GNPDA2: variants seen among roughly 807,000 people sequenced by gnomAD.
GNPDA2 encodes the protein glcN6P deaminase 2.
Under a neutral mutation model 27.0 loss-of-function variants are expected in GNPDA2, and 24 were observed. The observed-to-expected ratio is 0.89, with a 90% CI of 0.64 to 1.25. The LOEUF (loss-of-function observed/expected upper bound fraction) is 1.25. Ranked by LOEUF, GNPDA2 falls within the 50% of genes most tolerant of loss-of-function variation. The pLI, the probability that GNPDA2 is intolerant of heterozygous loss-of-function variation, is 0.00. For synonymous variants in GNPDA2, 94 were observed against 108.4 expected (o/e 0.87, Z 0.83); for missense variants, 286 against 335.1 (o/e 0.85, Z 1.14).
intron 6 of GNPDA2, 29 bp from the exon 7 acceptor site, chr4:44,703,171 GTTT>G (rs763993662): frequency 1.3e-6 from 2 of 1,591,360 alleles, no homozygotes; most frequent in Admixed American, 3.7e-5. Context: ...AGTTCTAGTT[GTTT>G]TTATTAATTT....
intron 5 of GNPDA2, 56 bp downstream of exon 5, chr4:44,710,897 A>C (rs1716932143): frequency 7.5e-7 from 1 of 1,326,740 alleles, no homozygotes; most frequent in Admixed American, 2.5e-5. Context: ...TAACTCCTCC[A>C]AAATATTAAT....
At chr4:44,704,222 C>G in intron 6 of GNPDA2, 1 of 984,554 alleles carries the variant, frequency 1.0e-6, no homozygotes, top group Non-Finnish European at 1.2e-6. Context: ...ACTAGTCCTG[C>G]AACTGCTCAA....
intron 3 of GNPDA2, among the ~76,000 whole-genome samples, chr4:44,717,947 T>C (rs186452039): frequency 6.6e-6 from 1 of 152,034 alleles, no homozygotes; most frequent in East Asian, 1.9e-4. Flanking sequence ...CTTTTACATG[T>C]ACGTTAGTTT....
At chr4:44,712,845 A>AT (rs1410920882) in intron 4 of GNPDA2, among the ~76,000 whole-genome samples, 1 of 152,120 alleles carries the variant, frequency 6.6e-6, no homozygotes, top group African/African-American at 2.4e-5. Context: ...ATATAAAATT[A>AT]TTTTTTTAAA....
intron 4 of GNPDA2, among the ~76,000 whole-genome samples, chr4:44,711,809 G>GTATATATA (rs35046303): frequency 0.027 from 2,810 of 103,278 alleles, 55 homozygotes; most frequent in African/African-American, 0.05. Context: ...TTGCAATCTA[G>GTATATATA]TATATATATA....
rs1455208946 is a variant in GNPDA2, at chr4:44,707,819, C to A, written c.702G>T (p.Arg234=). 6.2e-7 allele frequency: 1 copy of A among 1,613,210 alleles called. No individual in the cohort carries two copies. The highest frequency in any genetic ancestry group is 1.3e-5 in the African/African-American group (1 of 74,870). ...CATCTTCATCGCATACAAAAATAGT[C>A]CGGGGATGCTGCTGGAAAGCGGAAA... The part of the protein sequence containing the change: ...WTVSAFQQHP[R]TIFVCDEDAT... The change falls in exon 6 of 7, where the codon CGG becomes CGT. Residue 234 remains arginine (R), a synonymous_variant. Transcript: ENST00000295448.
chr4:44,705,087 T>G (rs1258790637), intron 6 of GNPDA2: 30 of 984,084 alleles, frequency 3.0e-5, no homozygotes, highest in Non-Finnish European at 3.6e-5. Context: ...AACCTAGATC[T>G]TATCTAGGCA....
At chr4:44,703,858 G>C (rs1053377053) in intron 6 of GNPDA2, 26 of 984,424 alleles carry the variant, frequency 2.6e-5, no homozygotes, top group Non-Finnish European at 3.0e-5. Flanking sequence ...ATATTTCTTT[G>C]GGGAGAAAAA....
intron 6 of GNPDA2, chr4:44,705,547 A>G (rs1249378783): frequency 2.7e-6 from 2 of 738,712 alleles, no homozygotes; most frequent in Non-Finnish European, 3.3e-6. Context: ...AGAACTAAAT[A>G]CATATAAACA....
intron 1 of GNPDA2, among the ~76,000 whole-genome samples, chr4:44,723,148 T>C (rs1222108983): frequency 2.6e-5 from 4 of 152,152 alleles, no homozygotes; most frequent in Admixed American, 6.5e-5. Context: ...CATAATTCCA[T>C]TTTACACAAT....
At chr4:44,721,885 T>C (rs969020892) in intron 2 of GNPDA2, among the ~76,000 whole-genome samples, 199 bp downstream of exon 2, 3 of 152,170 alleles carry the variant, frequency 2.0e-5, no homozygotes, top group Admixed American at 1.3e-4. Context: ...TGAGACTAAA[T>C]TTTGGCACAA....
At chr4:44,723,162 G>C (rs1031927778) in intron 1 of GNPDA2, among the ~76,000 whole-genome samples, 1 of 152,052 alleles carries the variant, frequency 6.6e-6, no homozygotes, top group Non-Finnish European at 1.5e-5. Flanking sequence ...ACACAATGTA[G>C]GTTGACTTAT....
At chr4:44,709,416 A>G (rs1716831133) in intron 5 of GNPDA2, among the ~76,000 whole-genome samples, 1 of 152,152 alleles carries the variant, frequency 6.6e-6, no homozygotes, top group Non-Finnish European at 1.5e-5. Flanking sequence ...ATCATGGGAA[A>G]GGACAAACTA....
At chr4:44,707,400 G>A (rs1243388824) in intron 6 of GNPDA2, 1 of 291,796 alleles carries the variant, frequency 3.4e-6, no homozygotes, top group East Asian at 5.6e-5. Context: ...AGGGATTGAG[G>A]TGGGACTAGT....
intron 6 of GNPDA2, chr4:44,704,681 C>T (rs1577579172): frequency 1.0e-6 from 1 of 953,678 alleles, no homozygotes; most frequent in East Asian, 1.2e-4. Flanking sequence ...TTAAGTCAAA[C>T]AGAAATAATT....
Position 44,705,299 on chromosome 4 carries a change from A to G in GNPDA2, c.770-2157T>C, listed in dbSNP as rs180795092. 568 of 984,126 alleles carry G rather than the reference A, an allele frequency of 5.8e-4. 1 individual carries two copies. In the African/African-American group the frequency reaches 9.5e-3, roughly 17 times the overall value. 61.0% of individuals were successfully genotyped at this position (984,126 alleles called of 1,614,324 possible). A position where few individuals can be genotyped will look rare whatever the true frequency, so the allele number is the denominator to read the frequency against. On this transcript the variant is annotated intron_variant, in intron 6 of 6. Transcript: ENST00000295448. The stretch of plus-strand genomic sequence containing the variant: ...AAATGTGTTTATTTAAGAATATTCA[A>G]TTTCTCTACCCTTTACTAAAATGCT...
intron 5 of GNPDA2, among the ~76,000 whole-genome samples, chr4:44,708,557 C>T (rs1716759287): frequency 6.6e-6 from 1 of 152,028 alleles, no homozygotes; most frequent in Admixed American, 6.6e-5. Flanking sequence ...TTATAAGCTA[C>T]AGAAAATCCA....
intron 6 of GNPDA2, chr4:44,703,788 T>C (rs747175902): frequency 3.0e-5 from 30 of 985,158 alleles, no homozygotes; most frequent in Non-Finnish European, 3.6e-5. Flanking sequence ...CTCTTAGCTA[T>C]GGAAGCTGCT....
At chr4:44,724,045 C>G (rs1717853587) in intron 1 of GNPDA2, among the ~76,000 whole-genome samples, 1 of 152,106 alleles carries the variant, frequency 6.6e-6, no homozygotes, top group Non-Finnish European at 1.5e-5. Context: ...GGCAGTCGAT[C>G]GTAGGGAGAG....
Sources: allele counts gnomAD v4.1 joint callset (sites outside exome capture counted in the v4.1 genomes callset), GRCh38; gene constraint gnomAD v4.1.1; transcripts MANE v1.5; gene names NCBI Gene and HGNC (gene_info 2026-07-23, HGNC 2026-07-21).